PCDHA4: variants seen among roughly 807,000 people sequenced by gnomAD.
PCDHA4 encodes protocadherin alpha-4.
In PCDHA4, 49 loss-of-function variants were observed where a neutral mutation model predicts 61.4. The observed-to-expected ratio is 0.80, with a 90% CI of 0.63 to 1.01. The LOEUF is 1.01. Ranked by LOEUF, PCDHA4 falls within the 50% of genes least tolerant of loss-of-function variation. The probability of loss-of-function intolerance (pLI) is 0.00; values close to 1 mark genes in which losing one functional copy is unlikely to be tolerated. For missense variants in PCDHA4, 1,254 were observed against 1,235.8 expected, an observed-to-expected ratio of 1.01 and a Z score of -0.22; for synonymous variants, 590 against 550.3, an observed-to-expected ratio of 1.07 and a Z score of -1.01.
intron 1 of PCDHA4, among the ~76,000 whole-genome samples, chr5:140,923,187 T>C (rs1554201249): frequency 1.3e-5 from 2 of 152,192 alleles, no homozygotes; most frequent in African/African-American, 4.8e-5. Flanking sequence ...ATGCATCTAC[T>C]GCAGCAATTT....
chr5:140,821,288 C>T (rs1439871895), intron 1 of PCDHA4, among the ~76,000 whole-genome samples: 4 of 152,094 alleles, frequency 2.6e-5, no homozygotes, highest in African/African-American at 4.8e-5. Context: ...AATATATAAA[C>T]TCCTCCCTAT....
intron 1 of PCDHA4, among the ~76,000 whole-genome samples, chr5:140,945,724 A>G (rs569323682): frequency 4.6e-5 from 7 of 152,272 alleles, no homozygotes; most frequent in South Asian, 2.1e-4. Flanking sequence ...AAGAATATAC[A>G]ATGGAAAAAG....
intron 1 of PCDHA4, chr5:140,829,477 G>A (rs2150168551): frequency 2.5e-6 from 4 of 1,613,692 alleles, no homozygotes; most frequent in Admixed American, 3.3e-5. Flanking sequence ...AGTACACAGT[G>A]TTCGTGAAGG....
intron 1 of PCDHA4, chr5:140,816,817 C>A (rs1489513299): frequency 6.6e-6 from 1 of 151,668 alleles, no homozygotes; most frequent in African/African-American, 2.4e-5. Flanking sequence ...ATGCTCTAAT[C>A]TTTTTCCCTC....
At position 140,858,811 on chromosome 5, in the gene PCDHA4, T is replaced by A. The variant is rs2045603382; in HGVS notation, c.2385+49239T>A. The A allele has an allele frequency of 1.4e-5, 5 of 354,112 alleles. No homozygotes were observed. The South Asian group carries it at 1.7e-4, about 12-fold the overall frequency. The allele number at this position is 354,112 out of a possible 1,614,324, so 21.9% of individuals were successfully genotyped here. A position where few individuals can be genotyped will look rare whatever the true frequency, so the allele number is the denominator to read the frequency against. ...TTTCATTTCCAATCTAAATTTTGAT[T>A]TGATTGTATTTGCATTACCAAAAAA... On this transcript the variant is annotated intron_variant, in intron 1 of 3. Transcript: ENST00000530339.
chr5:140,882,226 G>C (rs778262653), intron 1 of PCDHA4: 257 of 1,564,032 alleles, frequency 1.6e-4, no homozygotes, highest in Non-Finnish European at 3.8e-5. Flanking sequence ...GAGGTAAGGC[G>C]TTGTATATAT....
At position 140,843,586 on chromosome 5, in the gene PCDHA4, G is replaced by A. The variant is rs2150363126; in HGVS notation, c.2385+34014G>A. 23 of 1,596,010 alleles carry A rather than the reference G, an allele frequency of 1.4e-5. 4 individuals carry two copies. The highest frequency in any genetic ancestry group is 5.4e-5 in the African/African-American group (4 of 74,542). ...GCTGGTCATACTCGCAACAACAGCC[G>A]CAGAGGGTGTGCTCTGGTGAGGGGC... On this transcript the variant is annotated intron_variant, in intron 1 of 3. Coordinates refer to ENST00000530339, the MANE Select transcript of PCDHA4 (RefSeq NM_018907.4).
chr5:140,827,695 T>C (rs1168812180), intron 1 of PCDHA4, among the ~76,000 whole-genome samples: 1 of 152,252 alleles, frequency 6.6e-6, no homozygotes, highest in Non-Finnish European at 1.5e-5. Context: ...CTGGTTGATA[T>C]TAATGTTGCA....
intron 1 of PCDHA4, chr5:140,883,793 T>C (rs782783912): frequency 6.2e-7 from 1 of 1,612,328 alleles, no homozygotes; most frequent in South Asian, 1.1e-5. Flanking sequence ...GAGCTACGTG[T>C]CGGTGCACGC....
In PCDHA4 at chr5:141,010,283, C is replaced by T. The variant is rs1554262872; in HGVS notation, c.*346C>T. ...TGCTCCGGGGATCCTGTCTTGATGACACTTGCAGGGCAGGCTGAAAAGTTT... is the reference window on the plus strand; with the variant it reads ...TGCTCCGGGGATCCTGTCTTGATGATACTTGCAGGGCAGGCTGAAAAGTTT... On this transcript the variant is annotated 3_prime_UTR_variant, in exon 4 of 4. Transcript: ENST00000530339. 6.4e-7 allele frequency: 1 copy of T among 1,551,220 alleles called. No individual in the cohort carries two copies. The highest frequency in any genetic ancestry group is 1.4e-5 in the African/African-American group (1 of 73,110).
chr5:140,830,051 C>G, intron 1 of PCDHA4: 2 of 1,613,728 alleles, frequency 1.2e-6, no homozygotes, highest in East Asian at 4.5e-5. Context: ...GGTGAAAGAC[C>G]ACGGTGAGCC....
At position 140,934,119 on chromosome 5, in the gene PCDHA4, C is replaced by A. The variant is rs1339301991; in HGVS notation, c.2386-44830C>A. Among the ~76,000 whole-genome samples, 6 of 152,170 alleles carry A rather than the reference C, an allele frequency of 3.9e-5. No individual in the cohort carries two copies. In the East Asian group the frequency reaches 1.2e-3, roughly 29 times the overall value. ...GCTTTCTATTTTATTAATTTTCATA[C>A]TTTATTAATTTATTTCCTTCCTTAT... On this transcript the variant is annotated intron_variant, in intron 1 of 3. Transcript: ENST00000530339.
At chr5:140,873,631 A>G (rs2054392579) in intron 1 of PCDHA4, among the ~76,000 whole-genome samples, 1 of 152,222 alleles carries the variant, frequency 6.6e-6, no homozygotes, top group Non-Finnish European at 1.5e-5. Flanking sequence ...TTTAGGTCAA[A>G]GAGTATGTGA....
intron 1 of PCDHA4, chr5:140,875,909 C>A (rs1554168058): frequency 1.2e-6 from 2 of 1,614,048 alleles, no homozygotes; most frequent in African/African-American, 2.7e-5. Flanking sequence ...TCTGAATCTG[C>A]GCCTCTGGAC....
At chr5:140,918,412 A>G (rs1335591362) in intron 1 of PCDHA4, among the ~76,000 whole-genome samples, 5 of 152,252 alleles carry the variant, frequency 3.3e-5, no homozygotes, top group Middle Eastern at 3.4e-3. Context: ...TCTGGCCAGG[A>G]CTTCCAGTAG....
chr5:140,850,415 G>T, intron 1 of PCDHA4: 1 of 1,597,962 alleles, frequency 6.3e-7, no homozygotes, highest in Non-Finnish European at 8.6e-7. Context: ...TGGACGAAAC[G>T]GACGCACCGC....
At chr5:140,912,511 T>C (rs2075947919) in intron 1 of PCDHA4, among the ~76,000 whole-genome samples, 1 of 152,158 alleles carries the variant, frequency 6.6e-6, no homozygotes, top group Non-Finnish European at 1.5e-5. Context: ...TGGATGAATC[T>C]TTAGGGTTTT....
chr5:140,861,341 A>C (rs1554154533), intron 1 of PCDHA4: 1 of 280,406 alleles, frequency 3.6e-6, no homozygotes, highest in African/African-American at 2.2e-5. Context: ...GGAAGAGGCC[A>C]AGGACGGCAC....
At chr5:140,824,259 T>G (rs2150133705) in intron 1 of PCDHA4, 1 of 1,319,986 alleles carries the variant, frequency 7.6e-7, no homozygotes, top group South Asian at 1.3e-5. Flanking sequence ...ATTATTGCAC[T>G]AATTCATGTA....
Sources: allele counts gnomAD v4.1 joint callset (sites outside exome capture counted in the v4.1 genomes callset), GRCh38; gene constraint gnomAD v4.1.1; transcripts MANE v1.5; gene names NCBI Gene and HGNC (gene_info 2026-07-23, HGNC 2026-07-21).